TMEM132C: variants seen among roughly 807,000 people sequenced by gnomAD.
The protein encoded by TMEM132C is transmembrane protein 132C, also known as protein phosphatase 1, regulatory subunit 152.
TMEM132C carries 29 observed loss-of-function variants against 61.4 expected under a neutral mutation model. That is an observed-to-expected ratio of 0.47 (90% confidence interval 0.35 to 0.64). TMEM132C has a LOEUF of 0.64. TMEM132C is among the 30% of genes least tolerant of loss of function. TMEM132C has a pLI of 0.00. For missense variants in TMEM132C, 1,408 were observed against 1,476.9 expected, an observed-to-expected ratio of 0.95 and a Z score of 0.76; for synonymous variants, 656 against 633.1, an observed-to-expected ratio of 1.04 and a Z score of -0.54.
rs539306794 is a variant in TMEM132C, at chr12:128,546,012, C to T, written c.1121+1909C>T. 8.5e-5 allele frequency among the ~76,000 whole-genome samples: 13 copies of T among 152,312 alleles called. No individual in the cohort carries two copies. The East Asian group carries it at 1.3e-3, about 16-fold the overall frequency. Reference sequence around the variant, plus strand: ...AAATTCTCTGCTTGGTTTAGAACCACGCTGTTCTTTTGCCCACAGAACCCA... The same window carrying T: ...AAATTCTCTGCTTGGTTTAGAACCATGCTGTTCTTTTGCCCACAGAACCCA... On this transcript the variant is annotated intron_variant, in intron 3 of 8. Transcript: ENST00000435159.
intron 5 of TMEM132C, among the ~76,000 whole-genome samples, chr12:128,683,883 T>C (rs528403042): frequency 6.6e-6 from 1 of 152,214 alleles, no homozygotes; most frequent in East Asian, 1.9e-4. Flanking sequence ...GGAGAATCTC[T>C]TGAACCCAGA....
At chr12:128,497,180 C>A (rs771975493) in intron 2 of TMEM132C, among the ~76,000 whole-genome samples, 3 of 152,204 alleles carry the variant, frequency 2.0e-5, no homozygotes, top group African/African-American at 4.8e-5. Flanking sequence ...GCTGCCTGAT[C>A]GTTCCTCTGG....
chr12:128,286,691 A>G (rs897232675), intron 1 of TMEM132C, among the ~76,000 whole-genome samples: 3 of 152,190 alleles, frequency 2.0e-5, no homozygotes, highest in African/African-American at 7.2e-5. Context: ...ATGAGATACT[A>G]GAAGTGGCTC....
chr12:128,597,666 C>G (rs374326612), intron 3 of TMEM132C, among the ~76,000 whole-genome samples: 8 of 152,310 alleles, frequency 5.3e-5, no homozygotes, highest in African/African-American at 1.9e-4. Flanking sequence ...GTGGCCAACA[C>G]AGTTTCTCAT....
intron 3 of TMEM132C, among the ~76,000 whole-genome samples, chr12:128,609,207 T>A (rs1185264221): frequency 1.1e-4 from 3 of 27,408 alleles, no homozygotes; most frequent in Non-Finnish European, 2.1e-4. Context: ...CCCACCTCCC[T>A]GCAACACTGT....
intron 2 of TMEM132C, among the ~76,000 whole-genome samples, chr12:128,503,278 G>T (rs774599009): frequency 2.0e-4 from 30 of 152,226 alleles, no homozygotes; most frequent in Non-Finnish European, 3.5e-4. Context: ...TTGATGTACA[G>T]TTTTCAGAGT....
chr12:128,624,128 TATAGAAA>T (rs1953992375), intron 4 of TMEM132C, among the ~76,000 whole-genome samples: 1 of 152,098 alleles, frequency 6.6e-6, no homozygotes, highest in Admixed American at 6.5e-5. Context: ...GAGAGAATAG[TATAGAAA>T]TTGGGCGCTC....
At chr12:128,315,743 G>A (rs1872131917) in intron 1 of TMEM132C, among the ~76,000 whole-genome samples, 2 of 152,052 alleles carry the variant, frequency 1.3e-5, no homozygotes, top group South Asian at 2.1e-4. Context: ...GAGTAGGTGG[G>A]CCCCTAATCC....
chr12:128,442,384 C>G (rs769227009), intron 2 of TMEM132C, among the ~76,000 whole-genome samples: 1 of 152,202 alleles, frequency 6.6e-6, no homozygotes, highest in Admixed American at 6.5e-5. Context: ...CCATGGCCCT[C>G]GCCCTGACTA....
At chr12:128,517,539 A>C (rs1347774185) in intron 2 of TMEM132C, among the ~76,000 whole-genome samples, 1 of 152,202 alleles carries the variant, frequency 6.6e-6, no homozygotes, top group African/African-American at 2.4e-5. Context: ...AGATTGATCC[A>C]TGGATGGACA....
At chr12:128,320,489 G>A (rs1194836364) in intron 1 of TMEM132C, among the ~76,000 whole-genome samples, 3 of 152,130 alleles carry the variant, frequency 2.0e-5, no homozygotes, top group Non-Finnish European at 4.4e-5. Context: ...AAGATGGCCA[G>A]GTGCAAGGGC....
intron 1 of TMEM132C, among the ~76,000 whole-genome samples, chr12:128,340,696 T>C (rs1024193120): frequency 2.0e-5 from 3 of 151,588 alleles, no homozygotes; most frequent in Admixed American, 1.3e-4. Flanking sequence ...GCTCTTTCTT[T>C]CTTTCTCTTT....
chr12:128,564,291 A>G (rs751938146), intron 3 of TMEM132C, among the ~76,000 whole-genome samples: 7 of 152,256 alleles, frequency 4.6e-5, no homozygotes, highest in Non-Finnish European at 1.0e-4. Flanking sequence ...AGGGGGGCAC[A>G]GATATGCGGG....
At chr12:128,481,674 C>A (rs1323405705) in intron 2 of TMEM132C, among the ~76,000 whole-genome samples, 1 of 152,148 alleles carries the variant, frequency 6.6e-6, no homozygotes, top group Non-Finnish European at 1.5e-5. Context: ...TCCTGCCTTC[C>A]CAAAAAGGGA....
chr12:128,364,704 G>A (rs1418352171), intron 1 of TMEM132C, among the ~76,000 whole-genome samples: 3 of 152,178 alleles, frequency 2.0e-5, no homozygotes, highest in Non-Finnish European at 2.9e-5. Context: ...GGGGGTCTGC[G>A]GGACCTTCAG....
intron 2 of TMEM132C, among the ~76,000 whole-genome samples, chr12:128,443,354 C>G (rs528601957): frequency 6.6e-6 from 1 of 152,132 alleles, no homozygotes; most frequent in African/African-American, 2.4e-5. Flanking sequence ...AATGAAATCT[C>G]AGAAATCACC....
chr12:128,433,536 A>T (rs1053044120), intron 2 of TMEM132C, among the ~76,000 whole-genome samples: 5 of 152,196 alleles, frequency 3.3e-5, no homozygotes, highest in Non-Finnish European at 5.9e-5. Context: ...CTGGGCAAAA[A>T]TTTGGGAAAC....
At chr12:128,488,746 A>G (rs1871595478) in intron 2 of TMEM132C, among the ~76,000 whole-genome samples, 1 of 152,054 alleles carries the variant, frequency 6.6e-6, no homozygotes. Context: ...TGTTCCTACA[A>G]CTAGAAAATG....
chr12:128,489,935 G>T (rs751300507), intron 2 of TMEM132C, among the ~76,000 whole-genome samples: 28 of 152,158 alleles, frequency 1.8e-4, no homozygotes, highest in Non-Finnish European at 2.8e-4. Context: ...TCGTCCACGT[G>T]TATGCCACCA....
Sources: gnomAD v4.1 joint callset for allele counts (sites outside exome capture counted in the v4.1 genomes callset) on GRCh38, gnomAD v4.1.1 for gene constraint, MANE v1.5 for transcripts, NCBI Gene and HGNC (gene_info 2026-07-23, HGNC 2026-07-21) for gene names.